AGGF1: variants seen among roughly 807,000 people sequenced by gnomAD.
AGGF1 encodes the protein angiogenic factor with G-patch and FHA domains 1, also known as angiogenic factor with G patch and FHA domains 1.
Under a neutral mutation model 86.5 loss-of-function variants are expected in AGGF1, and 56 were observed. The ratio of observed to expected loss-of-function variants is 0.65; its 90% CI spans 0.52 to 0.81. The LOEUF is 0.81. Among genes scored for constraint, AGGF1 ranks in the 30% least tolerant of loss-of-function variants. The pLI, the probability that AGGF1 is intolerant of heterozygous loss-of-function variation, is 0.00. For synonymous variants in AGGF1, 313 were observed against 297.1 expected, an observed-to-expected ratio of 1.05 and a Z score of -0.55; for missense variants, 816 against 850.9, an observed-to-expected ratio of 0.96 and a Z score of 0.51.
chr5:77,053,087 A>T (rs570986756), intron 9 of AGGF1, among the ~76,000 whole-genome samples: 25 of 152,230 alleles, frequency 1.6e-4, no homozygotes, highest in Non-Finnish European at 2.8e-4. Flanking sequence ...CTCAATAGCA[A>T]CTTTGAAGGT....
chr5:77,056,367 T>G (rs1428324729), intron 11 of AGGF1, among the ~76,000 whole-genome samples: 1 of 151,848 alleles, frequency 6.6e-6, no homozygotes, highest in Non-Finnish European at 1.5e-5. Flanking sequence ...CAGCTGTGAT[T>G]GCAGGGGCCC....
chr5:77,030,635 G>T lies in AGGF1; in HGVS notation c.-132G>T. On this transcript the variant is annotated 5_prime_UTR_variant, in exon 1 of 14. Transcript: ENST00000312916. ...GAGTTTCAGGGCGTCATGGCCAGGGGCCACCGCGGCCAGCCGGGTGTGAGG... is the reference window on the plus strand; with the variant it reads ...GAGTTTCAGGGCGTCATGGCCAGGGTCCACCGCGGCCAGCCGGGTGTGAGG... The T allele has an allele frequency of 9.7e-7, 1 of 1,033,272 alleles. No individual in the cohort carries two copies. The highest frequency in any genetic ancestry group is 1.4e-6 in the Non-Finnish European group (1 of 690,570). 64.0% of individuals were successfully genotyped at this position (1,033,272 alleles called of 1,614,324 possible).
chr5:77,030,682 C>A lies in AGGF1; in HGVS notation c.-85C>A. On this transcript the variant is annotated 5_prime_UTR_variant, in exon 1 of 14. Coordinates refer to ENST00000312916, the MANE Select transcript of AGGF1 (RefSeq NM_018046.5). ...GAGGCTGCCTTTCGCTGCCCGCGCG[C>A]TCCAGTGGTCTCTGGGTCCGCCGGC... 1 of 1,459,224 alleles carries A rather than the reference C, an allele frequency of 6.9e-7. No individual in the cohort carries two copies. The highest frequency in any genetic ancestry group is 9.2e-7 in the Non-Finnish European group (1 of 1,082,844). The allele number at this position is 1,459,224 out of a possible 1,614,324, so 90.4% of individuals were successfully genotyped here.
At chr5:77,048,382 T>A in intron 7 of AGGF1, 110 bp downstream of exon 7, 1 of 900,860 alleles carries the variant, frequency 1.1e-6, no homozygotes, top group Non-Finnish European at 1.7e-6. Flanking sequence ...GACAGAGTTG[T>A]GCTCTGTTGT....
At chr5:77,053,823 GTGTGTA>G (rs2150733790) in intron 9 of AGGF1, 136 bp from the exon 10 acceptor site, 5 of 830,912 alleles carry the variant, frequency 6.0e-6, no homozygotes, top group South Asian at 3.2e-5. Context: ...GTGTGTGCAT[GTGTGTA>G]TGTGTATGTG....
At chr5:77,053,131 A>G (rs989561557) in intron 9 of AGGF1, among the ~76,000 whole-genome samples, 3 of 152,214 alleles carry the variant, frequency 2.0e-5, no homozygotes, top group Non-Finnish European at 4.4e-5. Context: ...TGGAAATGTT[A>G]CTAAATTGAA....
At position 77,030,880 on chromosome 5, in the gene AGGF1, C is replaced by G; in HGVS notation, c.114C>G (p.Ser38Arg). ...KVEKLERELR[S>R]CKRQVREIEK... ...AGAAGTTGGAACGTGAACTGCGGAG[C>G]TGCAAGCGGCAGGTGCGGGAGATCG... Residue 38 changes from serine (S) to arginine (R), a missense_variant, in exon 1 of 14, where the codon AGC becomes AGG. By Grantham distance (110) the Ser-to-Arg change is moderately radical. Around this residue, in one of 3 missense-constraint regions of AGGF1, gnomAD observed 240 missense variants for 234.4 expected, o/e 1.02. Transcript: ENST00000312916. The G allele has an allele frequency of 6.2e-7, 1 of 1,613,500 alleles. No individual in the cohort carries two copies. Among genetic ancestry groups the G allele is most frequent in the Non-Finnish European group, 8.5e-7 (1 of 1,180,002 alleles).
At chr5:77,044,907 A>C (rs940437236) in intron 5 of AGGF1, among the ~76,000 whole-genome samples, 2 of 152,082 alleles carry the variant, frequency 1.3e-5, no homozygotes, top group African/African-American at 4.8e-5. Flanking sequence ...TACTAAAAAT[A>C]AAAAAATTAC....
chr5:77,041,463 A>G (rs527914802), intron 5 of AGGF1, among the ~76,000 whole-genome samples: 2 of 150,048 alleles, frequency 1.3e-5, no homozygotes, highest in Non-Finnish European at 3.0e-5. Context: ...GCTGCTTGGG[A>G]GGCTGAGGCA....
At chr5:77,033,241 G>A (rs537546332) in intron 1 of AGGF1, among the ~76,000 whole-genome samples, 71 of 152,336 alleles carry the variant, frequency 4.7e-4, no homozygotes, top group African/African-American at 1.6e-3. Context: ...GCTTGAGAAT[G>A]ATAACTGGAG....
At chr5:77,054,988 GA>G in intron 10 of AGGF1, among the ~76,000 whole-genome samples, 1 of 152,204 alleles carries the variant, frequency 6.6e-6, no homozygotes, top group South Asian at 2.1e-4. Context: ...CCCAGCCATC[GA>G]AAGCTCTTAA....
chr5:77,052,541 C>T (rs1747388293), intron 8 of AGGF1, among the ~76,000 whole-genome samples, 165 bp from the exon 9 acceptor site: 1 of 152,140 alleles, frequency 6.6e-6, no homozygotes, highest in Admixed American at 6.5e-5. Context: ...TCTATAGCCT[C>T]TGTTTCTACC....
At chr5:77,040,651 A>C (rs4354017) in intron 5 of AGGF1, among the ~76,000 whole-genome samples, 1 of 152,000 alleles carries the variant, frequency 6.6e-6, no homozygotes, top group Non-Finnish European at 1.5e-5. Context: ...TAAAAAGTTA[A>C]CAGTGTTCTT....
rs1437008891 is a variant in AGGF1, at chr5:77,030,582, TTGCTCGC to T, written c.-184_-178del. The T allele has an allele frequency of 1.6e-5, 12 of 750,768 alleles. No individual in the cohort carries two copies. Among genetic ancestry groups the T allele is most frequent in the Admixed American group, 1.4e-4 (7 of 49,790 alleles). 46.5% of individuals were successfully genotyped at this position (750,768 alleles called of 1,614,324 possible). On this transcript the variant is annotated 5_prime_UTR_variant, in exon 1 of 14. Transcript: ENST00000312916. ...GGGCCATCCTCGGTCCCCTTGCTCG[TTGCTCGC>T]AGCCCCGTTCGGCTACAAGTGAGTT...
intron 4 of AGGF1, 53 bp downstream of exon 4, chr5:77,036,773 T>G: frequency 6.3e-7 from 1 of 1,591,312 alleles, no homozygotes; most frequent in Non-Finnish European, 8.6e-7. Flanking sequence ...AGTCTCCCTC[T>G]GTCACCCCGG....
At chr5:77,044,501 A>T (rs1747208698) in intron 5 of AGGF1, among the ~76,000 whole-genome samples, 1 of 152,192 alleles carries the variant, frequency 6.6e-6, no homozygotes. Flanking sequence ...AAATATACAT[A>T]TGTGCCTCAG....
At chr5:77,032,271 A>AAAAAAC (rs1746876857) in intron 1 of AGGF1, among the ~76,000 whole-genome samples, 1 of 143,702 alleles carries the variant, frequency 7.0e-6, no homozygotes, top group Non-Finnish European at 1.6e-5. Context: ...AAAAAAAAAA[A>AAAAAAC]AAACAGGGAG....
chr5:77,041,691 G>A (rs964086171), intron 5 of AGGF1, among the ~76,000 whole-genome samples: 9 of 150,890 alleles, frequency 6.0e-5, no homozygotes, highest in Admixed American at 5.3e-4. Context: ...GACATGGAAA[G>A]CATTCTGTGA....
chr5:77,031,006 A>G (rs756219869), intron 1 of AGGF1, 30 bp downstream of exon 1: 4 of 1,609,754 alleles, frequency 2.5e-6, no homozygotes, highest in Admixed American at 1.7e-5. Context: ...CCCGCGCCCC[A>G]TCCAGCCCAG....
Sources: gnomAD v4.1 joint callset for allele counts (sites outside exome capture counted in the v4.1 genomes callset) on GRCh38, gnomAD v4.1.1 for gene constraint, gnomAD v4.1.1 regional missense constraint, MANE v1.5 for transcripts, NCBI Gene and HGNC (gene_info 2026-07-23, HGNC 2026-07-21) for gene names.